The following IGF1R variants were observed in gnomAD, a reference collection of about 807,000 sequenced individuals.
IGF1R encodes insulin-like growth factor 1 receptor.
A neutral mutation model predicts 144.6 loss-of-function variants in IGF1R; 44 were observed. The ratio of observed to expected loss-of-function variants is 0.30; its 90% CI spans 0.24 to 0.39. The LOEUF (loss-of-function observed/expected upper bound fraction) is 0.39. Among genes scored for constraint, IGF1R ranks in the 10% least tolerant of loss-of-function variants. The pLI, the probability that IGF1R is intolerant of heterozygous loss-of-function variation, is 1.00. For synonymous variants in IGF1R, 795 were observed against 722.8 expected (o/e 1.10, Z -1.60); for missense variants, 1,355 against 1,833.7 (o/e 0.74, Z 4.77).
At position 98,957,439 on chromosome 15, in the gene IGF1R, C is replaced by T. The variant is rs1172237030; in HGVS notation, c.4101C>T (p.Cys1367=). ...RALPLPQSST[C] is the part of the protein sequence containing the mutation. ...TGCCGCTGCCCCAGTCTTCGACCTG[C>T]TGATCCTTGGATCCTGAATCTGTGC... is the stretch of plus-strand genomic sequence containing the variant. The change falls in exon 21 of 21, where the codon TGC becomes TGT. Residue 1367 remains cysteine (C), a synonymous_variant. Transcript: ENST00000650285. The T allele has an allele frequency of 3.1e-6, 5 of 1,612,990 alleles. No homozygotes were observed. The East Asian group carries it at 8.9e-5, about 29-fold the overall frequency.
intron 5 of IGF1R, among the ~76,000 whole-genome samples, chr15:98,903,797 A>G (rs2014595737): frequency 6.6e-6 from 1 of 152,238 alleles, no homozygotes; most frequent in Non-Finnish European, 1.5e-5. Context: ...CCTCTAAAAC[A>G]TTAGGCTAAG....
chr15:98,652,065 C>A (rs1270658477), intron 1 of IGF1R, among the ~76,000 whole-genome samples: 1 of 152,076 alleles, frequency 6.6e-6, no homozygotes, highest in African/African-American at 2.4e-5. Flanking sequence ...ATTTTGCTGG[C>A]GTATTGAGAG....
rs369416075 is a variant in IGF1R at position 98,935,446 on chromosome 15, G to A, written c.3297+20G>A. 35 of 1,340,540 alleles carry A rather than the reference G, an allele frequency of 2.6e-5. No individual in the cohort carries two copies. Among genetic ancestry groups the A allele is most frequent in the Admixed American group, 9.8e-5 (5 of 50,790 alleles). 83.0% of individuals were successfully genotyped at this position (1,340,540 alleles called of 1,614,324 possible). On this transcript the variant is annotated intron_variant, in intron 17 of 20. Coordinates refer to ENST00000650285, the MANE Select transcript of IGF1R (RefSeq NM_000875.5). The surrounding 1 kb of genome is among the most constrained non-coding windows in gnomAD (Gnocchi z 4.2). ...ATGGAGGTCAGTTTTCATTTCCACCGGTATTGCATGTTGCCTGGCCTGCTC... is the reference window on the plus strand; with the variant it reads ...ATGGAGGTCAGTTTTCATTTCCACCAGTATTGCATGTTGCCTGGCCTGCTC...
intron 1 of IGF1R, among the ~76,000 whole-genome samples, chr15:98,674,441 C>T (rs1273098850): frequency 6.6e-6 from 1 of 152,192 alleles, no homozygotes; most frequent in African/African-American, 2.4e-5. Flanking sequence ...ACTTCTTTTC[C>T]AGAAGAGTCC....
intron 2 of IGF1R, among the ~76,000 whole-genome samples, chr15:98,713,737 G>T (rs960412777): frequency 5.9e-5 from 9 of 152,086 alleles, no homozygotes; most frequent in Non-Finnish European, 8.8e-5. Flanking sequence ...AGGCTTTCTG[G>T]TATTTCATTT....
intron 1 of IGF1R, among the ~76,000 whole-genome samples, chr15:98,700,176 C>G (rs1055516239): frequency 2.6e-5 from 4 of 152,190 alleles, no homozygotes; most frequent in African/African-American, 7.2e-5. Context: ...AACCCATGCT[C>G]TCTCTTCTCT....
chr15:98,955,976 T>C (rs9972457), intron 20 of IGF1R, among the ~76,000 whole-genome samples: 12,158 of 152,284 alleles, frequency 0.08, 881 homozygotes, highest in African/African-American at 0.2. Context: ...TTCACGCTCA[T>C]GTAAGAGAGG....
chr15:98,851,307 G>GC (rs986877570), intron 2 of IGF1R, among the ~76,000 whole-genome samples: 6 of 152,170 alleles, frequency 3.9e-5, no homozygotes, highest in Non-Finnish European at 8.8e-5. Context: ...TGGCAGAGAG[G>GC]CCCCCCAGGT....
At chr15:98,690,314 A>G (rs1454169535) in intron 1 of IGF1R, among the ~76,000 whole-genome samples, 1 of 149,558 alleles carries the variant, frequency 6.7e-6, no homozygotes, top group Non-Finnish European at 1.5e-5. Flanking sequence ...CTGTACTCCA[A>G]CTTGGGTGAC....
chr15:98,958,413 C>G lies in IGF1R; in HGVS notation c.*971C>G. 4.4e-6 allele frequency: 1 copy of G among 228,032 alleles called. No individual in the cohort carries two copies. Among genetic ancestry groups the G allele is most frequent in the East Asian group, 6.2e-5 (1 of 16,054 alleles). 14.1% of individuals were successfully genotyped at this position (228,032 alleles called of 1,614,324 possible). On this transcript the variant is annotated 3_prime_UTR_variant, in exon 21 of 21. Coordinates refer to ENST00000650285, the MANE Select transcript of IGF1R (RefSeq NM_000875.5). ...CTGCTTCTCTCCCAGCCCCAGCTCC[C>G]CCGCCCGCCCCCAAGGACACAGATG...
intron 2 of IGF1R, among the ~76,000 whole-genome samples, chr15:98,782,370 C>T (rs1187534748): frequency 2.0e-5 from 3 of 151,924 alleles, no homozygotes; most frequent in African/African-American, 7.3e-5. Context: ...GTTTTTTTTA[C>T]AATGAAAATA....
chr15:98,809,944 G>T (rs896483851), intron 2 of IGF1R, among the ~76,000 whole-genome samples: 42 of 152,306 alleles, frequency 2.8e-4, no homozygotes, highest in African/African-American at 1.0e-3. Flanking sequence ...TAGCCACGGG[G>T]TTTGGCATGA....
chr15:98,713,364 G>T (rs1190418487), intron 2 of IGF1R, among the ~76,000 whole-genome samples: 4 of 152,172 alleles, frequency 2.6e-5, no homozygotes, highest in African/African-American at 7.2e-5. Flanking sequence ...AGTCTTCGGT[G>T]AGCCAGTTGT....
chr15:98,659,017 T>A (rs2052544120), intron 1 of IGF1R, among the ~76,000 whole-genome samples: 1 of 152,228 alleles, frequency 6.6e-6, no homozygotes, highest in African/African-American at 2.4e-5. Context: ...CACCTGGTAT[T>A]AAGCCCTTGG....
chr15:98,651,004 A>C lies in IGF1R; in HGVS notation c.94+1329A>C, dbSNP rs920360727. On this transcript the variant is annotated intron_variant, in intron 1 of 20. Transcript: ENST00000650285. ...GAAAGTGTGGCTTACTGGTACATTCAAGATGGTAGGGTAATTTGAACACGA... is the reference window on the plus strand; with the variant it reads ...GAAAGTGTGGCTTACTGGTACATTCCAGATGGTAGGGTAATTTGAACACGA... 3 of 985,176 alleles carry C rather than the reference A, an allele frequency of 3.0e-6. No homozygotes were observed. The African/African-American group carries it at 5.2e-5, about 17-fold the overall frequency. The allele number at this position is 985,176 out of a possible 1,614,324, so 61.0% of individuals were successfully genotyped here.
rs192913982 is a variant in IGF1R, at chr15:98,735,774, C to T, written c.640+27667C>T. Among the ~76,000 whole-genome samples, 52 of 152,328 alleles carry T rather than the reference C, an allele frequency of 3.4e-4. 1 individual carries two copies. The East Asian group carries it at 6.2e-3, about 18-fold the overall frequency. On this transcript the variant is annotated intron_variant, in intron 2 of 20. Transcript: ENST00000650285. ...AAACACACCACTTTGATTTATTTCT[C>T]TTAGTGATACAGTATTTAGAGAGGG...
chr15:98,798,129 G>A (rs549025808), intron 2 of IGF1R, among the ~76,000 whole-genome samples: 11 of 152,296 alleles, frequency 7.2e-5, no homozygotes, highest in Admixed American at 2.0e-4. Context: ...ACAAAATGAG[G>A]CCTCTGCCTC....
At chr15:98,914,842 G>A (rs936591999) in intron 8 of IGF1R, among the ~76,000 whole-genome samples, 10 of 152,170 alleles carry the variant, frequency 6.6e-5, no homozygotes, top group Non-Finnish European at 1.0e-4. Context: ...TCGTAAGAAT[G>A]TATCTAGGAA....
At chr15:98,797,586 G>A (rs759205994) in intron 2 of IGF1R, among the ~76,000 whole-genome samples, 2 of 152,226 alleles carry the variant, frequency 1.3e-5, no homozygotes, top group Non-Finnish European at 2.9e-5. Flanking sequence ...GGCATTCCAT[G>A]CACATGCACC....
Sources: allele counts gnomAD v4.1 joint callset (sites outside exome capture counted in the v4.1 genomes callset), GRCh38; gene constraint gnomAD v4.1.1; non-coding constraint Gnocchi (gnomAD v3.1); transcripts MANE v1.5; gene names NCBI Gene and HGNC (gene_info 2026-07-23, HGNC 2026-07-21).